PRKAB1: variants seen among roughly 807,000 people sequenced by gnomAD.
PRKAB1 encodes protein kinase AMP-activated non-catalytic subunit beta 1.
PRKAB1 carries 18 observed loss-of-function variants against 32.0 expected under a neutral mutation model. The observed-to-expected ratio is 0.56, with a 90% CI of 0.39 to 0.83. The LOEUF is 0.83. PRKAB1 is among the 40% of genes least tolerant of loss of function. The pLI, the probability that PRKAB1 is intolerant of heterozygous loss-of-function variation, is 0.00. For synonymous variants in PRKAB1, 141 were observed against 141.4 expected (o/e 1.00, Z 0.02); for missense variants, 263 against 352.6 (o/e 0.75, Z 2.03).
At chr12:119,668,028 C>T (rs1377893387), upstream of PRKAB1, 10 of 546,052 alleles carry the variant, frequency 1.8e-5, no homozygotes, top group Non-Finnish European at 2.8e-5. Context: ...GCGTTCTTGC[C>T]GCGGCTTGCC....
chr12:119,679,899 C>G lies in PRKAB1; in HGVS notation c.667-34C>G. 1 of 1,607,724 alleles carries G rather than the reference C, an allele frequency of 6.2e-7. No homozygotes were observed. Among genetic ancestry groups the G allele is most frequent in the Admixed American group, 1.7e-5 (1 of 60,010 alleles). On this transcript the variant is annotated intron_variant, in intron 5 of 6. Coordinates refer to ENST00000229328, the MANE Select transcript of PRKAB1 (RefSeq NM_006253.5). This position sits in a 1 kb window ranked among gnomAD's most constrained non-coding sequence, Gnocchi z 4.1. ...AGGGGAGAATCTTGGTTTCCAAATC[C>G]CAAATGCTCACCGCTGCCTTTGTTC...
In PRKAB1 at chr12:119,679,989, G is replaced by A. The variant is rs769597227; in HGVS notation, c.723G>A (p.Ala241=). Residue 241 remains alanine (A), a synonymous_variant, in exon 6 of 7, where the codon GCG becomes GCA. Transcript: ENST00000229328. The surrounding 1 kb of genome is among the most constrained non-coding windows in gnomAD (Gnocchi z 4.1). ...PNHVMLNHLY[A]LSIKDGVMVL... is the part of the protein sequence containing the mutation. ...ACGTCATGCTGAACCACCTATACGC[G>A]CTGTCTATCAAGGTAATGACATGTC... The A allele has an allele frequency of 1.7e-5, 27 of 1,613,280 alleles. No homozygotes were observed. The highest frequency in any genetic ancestry group is 1.3e-4 in the African/African-American group (10 of 74,888).
In PRKAB1 at chr12:119,672,402, C is replaced by T. The variant is rs771561868; in HGVS notation, c.261C>T (p.Gly87=). The T allele has an allele frequency of 1.5e-5, 24 of 1,609,622 alleles. No homozygotes were observed. In the South Asian group the frequency reaches 2.3e-4, roughly 16 times the overall value. The change falls in exon 2 of 7, where the codon GGC becomes GGT. Residue 87 remains glycine (G), a synonymous_variant. Transcript: ENST00000229328. ...ARPTVFRWTG[G]GKEVYLSGSF... ...CAACGGTGTTTCGATGGACGGGGGGCGGAAAGGAAGTTTACTTATCTGGGT... is the reference window on the plus strand; with the variant it reads ...CAACGGTGTTTCGATGGACGGGGGGTGGAAAGGAAGTTTACTTATCTGGGT...
At position 119,680,530 on chromosome 12, in the gene PRKAB1, C is replaced by CATGG. The variant is rs1277786595; in HGVS notation, c.*205_*206insATGG. 1.7e-6 allele frequency: 1 copy of CATGG among 593,210 alleles called. No individual in the cohort carries two copies. Among genetic ancestry groups the CATGG allele is most frequent in the Non-Finnish European group, 3.0e-6 (1 of 336,548 alleles). The allele number at this position is 593,210 out of a possible 1,614,324, so 36.7% of individuals were successfully genotyped here. On this transcript the variant is annotated 3_prime_UTR_variant, in exon 7 of 7. Coordinates refer to ENST00000229328, the MANE Select transcript of PRKAB1 (RefSeq NM_006253.5). Reference sequence around the variant, plus strand: ...GGTCTGTGACAGTCCTCCTAGCACCCCCATGGCTTTGAGCCTCGGGGACTC... The same window carrying CATGG: ...GGTCTGTGACAGTCCTCCTAGCACCCATGGCCATGGCTTTGAGCCTCGGGGACTC...
In PRKAB1 at chr12:119,680,432, T is replaced by G; in HGVS notation, c.*107T>G. ...CTGTACATTGCTCATTTCACACTCT[T>G]CAGAAGACATTTCATACCTGCCCTG... On this transcript the variant is annotated 3_prime_UTR_variant, in exon 7 of 7. Transcript: ENST00000229328. 8.6e-7 allele frequency: 1 copy of G among 1,157,422 alleles called. No homozygotes were observed. The highest frequency in any genetic ancestry group is 1.3e-6 in the Non-Finnish European group (1 of 795,368). 71.7% of individuals were successfully genotyped at this position (1,157,422 alleles called of 1,614,324 possible). A position where few individuals can be genotyped will look rare whatever the true frequency, so the allele number is the denominator to read the frequency against.
chr12:119,673,776 T>C (rs949407217), intron 2 of PRKAB1, 188 bp from the exon 3 acceptor site: 1 of 491,912 alleles, frequency 2.0e-6, no homozygotes, highest in Non-Finnish European at 3.6e-6. Context: ...GTCGCACTGC[T>C]GCTTCCTTAT....
intron 5 of PRKAB1, chr12:119,678,556 ACTCTACT>A (rs1955443522): frequency 6.6e-6 from 1 of 151,938 alleles, no homozygotes; most frequent in East Asian, 1.9e-4. Context: ...GGCAACCACC[ACTCTACT>A]CTCTACTTCT....
intron 5 of PRKAB1, chr12:119,677,811 C>CT (rs1253223973): frequency 7.8e-6 from 1 of 127,778 alleles, no homozygotes; most frequent in African/African-American, 3.0e-5. Flanking sequence ...GTTGCCCAGG[C>CT]TGGAGTGCTG....
In PRKAB1 at chr12:119,679,277, G is replaced by C. The variant is rs139605092; in HGVS notation, c.667-656G>C. Reference sequence around the variant, plus strand: ...CTGAATGGCCTCCCAGCGGGAGCTTGCTGAGTATTTGTTGACACAATGATT... The same window carrying C: ...CTGAATGGCCTCCCAGCGGGAGCTTCCTGAGTATTTGTTGACACAATGATT... On this transcript the variant is annotated intron_variant, in intron 5 of 6. Transcript: ENST00000229328. The surrounding 1 kb of genome is among the most constrained non-coding windows in gnomAD (Gnocchi z 4.1). 6.6e-6 allele frequency: 1 copy of C among 152,380 alleles called. No individual in the cohort carries two copies. The highest frequency in any genetic ancestry group is 1.5e-5 in the Non-Finnish European group (1 of 68,184). The allele number at this position is 152,380 out of a possible 1,614,324, so 9.4% of individuals were successfully genotyped here.
chr12:119,680,023 T>C, intron 6 of PRKAB1, 22 bp downstream of exon 6: 1 of 1,604,780 alleles, frequency 6.2e-7, no homozygotes, highest in Non-Finnish European at 8.5e-7. Context: ...TCTGTCCCCA[T>C]GAGAGCTGTG....
chr12:119,674,463 A>G lies in PRKAB1; in HGVS notation c.532+9A>G, dbSNP rs1376641040. 3 of 1,584,172 alleles carry G rather than the reference A, an allele frequency of 1.9e-6. No homozygotes were observed. The highest frequency in any genetic ancestry group is 1.7e-5 in the Admixed American group (1 of 59,956). On this transcript the variant is annotated intron_variant, in intron 4 of 6. Coordinates refer to ENST00000229328, the MANE Select transcript of PRKAB1 (RefSeq NM_006253.5). This position sits in a 1 kb window ranked among gnomAD's most constrained non-coding sequence, Gnocchi z 4.3. ...GTGCTCCGATGTGTCTGGTATGAACACAGTTATTTTATACCACATGCGTGC... is the reference window on the plus strand; with the variant it reads ...GTGCTCCGATGTGTCTGGTATGAACGCAGTTATTTTATACCACATGCGTGC...
chr12:119,672,664 TTC>T lies in PRKAB1; in HGVS notation c.323+202_323+203del, dbSNP rs542949256. On this transcript the variant is annotated intron_variant, in intron 2 of 6. Transcript: ENST00000229328. ...TTAGAGTACAGAAGAAAGAGAATATTTCTGTGTCACAGACATCTTTCACTTCA... is the reference window on the plus strand; with the variant it reads ...TTAGAGTACAGAAGAAAGAGAATATTTGTGTCACAGACATCTTTCACTTCA... Among the ~76,000 whole-genome samples, 16 of 152,280 alleles carry T rather than the reference TTC, an allele frequency of 1.1e-4. No individual in the cohort carries two copies. In the South Asian group the frequency reaches 2.9e-3, roughly 28 times the overall value.
Position 119,680,766 on chromosome 12 carries a change from G to A in PRKAB1, c.*441G>A, listed in dbSNP as rs1233364598. On this transcript the variant is annotated 3_prime_UTR_variant, in exon 7 of 7. Coordinates refer to ENST00000229328, the MANE Select transcript of PRKAB1 (RefSeq NM_006253.5). ...TGTGTGTTTTTAAGGCCAGCCACTT[G>A]TCCCTGTTGAGGCCTGGCTATGGAA... 2 of 172,236 alleles carry A rather than the reference G, an allele frequency of 1.2e-5. No homozygotes were observed. Among genetic ancestry groups the A allele is most frequent in the African/African-American group, 4.7e-5 (2 of 42,162 alleles). The allele number at this position is 172,236 out of a possible 1,614,324, so 10.7% of individuals were successfully genotyped here.
At position 119,672,389 on chromosome 12, in the gene PRKAB1, G is replaced by T; in HGVS notation, c.248G>T (p.Arg83Leu). The T allele has an allele frequency of 1.2e-6, 2 of 1,612,768 alleles. No homozygotes were observed. Among genetic ancestry groups the T allele is most frequent in the Non-Finnish European group, 1.7e-6 (2 of 1,179,446 alleles). ...APAQARPTVFRWTGGGKEVYL... is the reference protein window; with the variant it reads ...APAQARPTVFLWTGGGKEVYL... ...GCCCAGGCTCGGCCAACGGTGTTTC[G>T]ATGGACGGGGGGCGGAAAGGAAGTT... Residue 83 changes from arginine to leucine, a missense_variant, in exon 2 of 7, where the codon CGA (arginine) becomes CTA (leucine). Coordinates refer to ENST00000229328, the MANE Select transcript of PRKAB1 (RefSeq NM_006253.5).
intron 6 of PRKAB1, 72 bp from the exon 7 acceptor site, chr12:119,680,176 T>G: frequency 6.5e-7 from 1 of 1,534,532 alleles, no homozygotes; most frequent in South Asian, 1.1e-5. Flanking sequence ...ATGAAGCCCT[T>G]AATGATTCTC....
At chr12:119,672,024 A>G (rs772404432) in intron 1 of PRKAB1, among the ~76,000 whole-genome samples, 1 of 152,210 alleles carries the variant, frequency 6.6e-6, no homozygotes, top group Non-Finnish European at 1.5e-5. Context: ...TTCTTCTAGA[A>G]TTTTGATGTC....
Position 119,668,316 on chromosome 12 carries a change from C to T in PRKAB1, c.72C>T (p.Ser24=), listed in dbSNP as rs1265966728. The change falls in exon 1 of 7, where the codon AGC becomes AGT. Residue 24 remains serine (S), a synonymous_variant. Coordinates refer to ENST00000229328, the MANE Select transcript of PRKAB1 (RefSeq NM_006253.5). The part of the protein sequence containing the change: ...HGGHKTPRRD[S]SGGTKDGDRP... ...GCCATAAGACGCCCCGGAGGGACAG[C>T]TCGGGGGGCACCAAGGACGGGGACA... 6.2e-7 allele frequency: 1 copy of T among 1,613,128 alleles called. No homozygotes were observed. The highest frequency in any genetic ancestry group is 1.7e-5 in the Admixed American group (1 of 59,884).
At chr12:119,672,205 A>G in intron 1 of PRKAB1, 96 bp from the exon 2 acceptor site, 1 of 1,288,292 alleles carries the variant, frequency 7.8e-7, no homozygotes, top group Non-Finnish European at 1.1e-6. Context: ...ACCATGAACC[A>G]AGATAGTAAC....
intron 5 of PRKAB1, chr12:119,677,366 GAGGAATGCACGTGT>G (rs1955433052): frequency 6.6e-6 from 1 of 152,306 alleles, no homozygotes; most frequent in Non-Finnish European, 1.5e-5. Flanking sequence ...GTGCTGAGAC[GAGGAATGCACGTGT>G]ACACATGCAG....
Sources: gnomAD v4.1 joint callset for allele counts (sites outside exome capture counted in the v4.1 genomes callset) on GRCh38, gnomAD v4.1.1 for gene constraint, Gnocchi (gnomAD v3.1) non-coding constraint, MANE v1.5 for transcripts, NCBI Gene and HGNC (gene_info 2026-07-23, HGNC 2026-07-21) for gene names.